NKAIN2: variants seen among roughly 807,000 people sequenced by gnomAD.
NKAIN2 encodes the protein sodium/potassium transporting ATPase interacting 2, also known as sodium/potassium-transporting ATPase subunit beta-1-interacting protein 2.
A neutral mutation model predicts 32.6 loss-of-function variants in NKAIN2; 14 were observed. The ratio of observed to expected loss-of-function variants is 0.43; its 90% CI spans 0.28 to 0.67. The LOEUF is 0.67. NKAIN2 is among the 30% of genes least tolerant of loss of function. NKAIN2 has a pLI of 0.17. For synonymous variants in NKAIN2, 80 were observed against 87.2 expected, an observed-to-expected ratio of 0.92 and a Z score of 0.46; for missense variants, 198 against 258.3, an observed-to-expected ratio of 0.77 and a Z score of 1.60.
intron 3 of NKAIN2, among the ~76,000 whole-genome samples, chr6:124,540,822 G>C (rs933322347): frequency 6.6e-6 from 1 of 152,034 alleles, no homozygotes; most frequent in Non-Finnish European, 1.5e-5. Context: ...TATAAAATAG[G>C]CTTTGTGTTA....
intron 2 of NKAIN2, among the ~76,000 whole-genome samples, chr6:124,343,595 G>T (rs371995293): frequency 2.0e-5 from 3 of 151,938 alleles, no homozygotes; most frequent in East Asian, 1.9e-4. Flanking sequence ...TGATGAGCAT[G>T]TTTTCATGTG....
intron 3 of NKAIN2, among the ~76,000 whole-genome samples, chr6:124,464,428 C>G (rs1562201251): frequency 2.7e-5 from 4 of 146,860 alleles, no homozygotes; most frequent in African/African-American, 1.0e-4. Flanking sequence ...GAATTATAAG[C>G]TTTTTTTTTT....
intron 1 of NKAIN2, among the ~76,000 whole-genome samples, chr6:124,244,532 C>T (rs990748396): frequency 2.0e-5 from 3 of 151,874 alleles, no homozygotes; most frequent in Admixed American, 2.0e-4. Context: ...ACCAATCTAC[C>T]ACTATTGCTG....
rs554146482 is a variant in NKAIN2 at position 124,131,833 on chromosome 6, T to G, written c.55-151172T>G. Among the ~76,000 whole-genome samples the G allele has an allele frequency of 1.1e-3, 168 of 152,138 alleles. 7 individuals carry two copies. In the South Asian group the frequency reaches 0.033, roughly 30 times the overall value. ...GAGGGCTTGCAGGGTAAAAGAAGCT[T>G]CCAGGTGAATTTTATGATCACTTCT... On this transcript the variant is annotated intron_variant, in intron 1 of 6. Transcript: ENST00000368417.
At chr6:124,311,483 A>C (rs1446448408) in intron 2 of NKAIN2, among the ~76,000 whole-genome samples, 1 of 152,128 alleles carries the variant, frequency 6.6e-6, no homozygotes, top group Non-Finnish European at 1.5e-5. Flanking sequence ...TTATATATCC[A>C]CTGCCACCAT....
At chr6:124,004,705 C>T (rs942103345) in intron 1 of NKAIN2, among the ~76,000 whole-genome samples, 18 of 151,484 alleles carry the variant, frequency 1.2e-4, no homozygotes, top group Non-Finnish European at 2.9e-5. Flanking sequence ...ACACCGGGGC[C>T]TGTCAGGTGG....
chr6:124,189,503 A>C (rs1789911384), intron 1 of NKAIN2, among the ~76,000 whole-genome samples: 1 of 152,066 alleles, frequency 6.6e-6, no homozygotes, highest in East Asian at 1.9e-4. Flanking sequence ...GTTCGAGACT[A>C]TCCTGCTAAC....
chr6:124,466,762 AAG>A (rs1491020766), intron 3 of NKAIN2, among the ~76,000 whole-genome samples: 1 of 151,566 alleles, frequency 6.6e-6, no homozygotes, highest in African/African-American at 2.4e-5. Context: ...AAAAAAAAAA[AAG>A]AAATCAGGAA....
chr6:124,698,831 CAGA>C (rs746370586), intron 4 of NKAIN2, among the ~76,000 whole-genome samples: 2 of 152,148 alleles, frequency 1.3e-5, no homozygotes, highest in African/African-American at 2.4e-5. Flanking sequence ...AGAATTTCCA[CAGA>C]AGGTCATCAT....
rs915399716 is a variant in NKAIN2 at position 123,930,632 on chromosome 6, A to G, written c.54+126378A>G. On this transcript the variant is annotated intron_variant, in intron 1 of 6. Coordinates refer to ENST00000368417, the MANE Select transcript of NKAIN2 (RefSeq NM_001040214.3). Reference sequence around the variant, plus strand: ...AAGTTATATATTAGATACACAATTTAATAGTATAACAAATCCCCTAGAATA... The same window carrying G: ...AAGTTATATATTAGATACACAATTTGATAGTATAACAAATCCCCTAGAATA... 1.2e-4 allele frequency among the ~76,000 whole-genome samples: 18 copies of G among 152,174 alleles called. 1 individual carries two copies. The highest frequency in any genetic ancestry group is 4.3e-4 in the African/African-American group (18 of 41,448).
chr6:124,051,300 A>G (rs1782388242), intron 1 of NKAIN2, among the ~76,000 whole-genome samples: 1 of 152,064 alleles, frequency 6.6e-6, no homozygotes. Flanking sequence ...CATTGTGTTA[A>G]AATGATTATT....
intron 1 of NKAIN2, among the ~76,000 whole-genome samples, chr6:123,834,425 G>A (rs748004509): frequency 2.0e-5 from 3 of 152,150 alleles, no homozygotes; most frequent in Non-Finnish European, 2.9e-5. Context: ...AACGTGCTGG[G>A]ATTACAGGTA....
At chr6:124,484,132 T>C (rs919675934) in intron 3 of NKAIN2, among the ~76,000 whole-genome samples, 5 of 152,328 alleles carry the variant, frequency 3.3e-5, no homozygotes, top group African/African-American at 1.2e-4. Context: ...ATGCAAGTTT[T>C]TGAAAGCTTT....
rs528777221 is a variant in NKAIN2 at position 124,512,127 on chromosome 6, A to C, written c.274-146059A>C. ...CATTTGGCTAACACAGTTACATAAA[A>C]GCATTTTATAAACACATATTCCTAA... On this transcript the variant is annotated intron_variant, in intron 3 of 6. Transcript: ENST00000368417. Among the ~76,000 whole-genome samples, 38 of 152,332 alleles carry C rather than the reference A, an allele frequency of 2.5e-4. No individual in the cohort carries two copies. In the South Asian group the frequency reaches 7.5e-3, roughly 30 times the overall value.
chr6:124,818,089 C>T (rs753481894), intron 5 of NKAIN2, among the ~76,000 whole-genome samples: 3 of 151,472 alleles, frequency 2.0e-5, no homozygotes, highest in Non-Finnish European at 2.9e-5. Flanking sequence ...TAGATGAATT[C>T]TATTACTCCA....
chr6:124,814,999 C>G (rs1473445046), intron 5 of NKAIN2, among the ~76,000 whole-genome samples: 1 of 151,774 alleles, frequency 6.6e-6, no homozygotes, highest in Non-Finnish European at 1.5e-5. Flanking sequence ...GGAGACCTTA[C>G]TGTTTTTGTC....
chr6:124,706,402 TTATTA>T (rs1562334843), intron 4 of NKAIN2, among the ~76,000 whole-genome samples: 1 of 152,154 alleles, frequency 6.6e-6, no homozygotes, highest in Non-Finnish European at 1.5e-5. Flanking sequence ...TTCATTGCTG[TTATTA>T]TATATTGAAT....
chr6:124,534,829 AT>A (rs1174245981), intron 3 of NKAIN2, among the ~76,000 whole-genome samples: 5 of 151,606 alleles, frequency 3.3e-5, no homozygotes, highest in Admixed American at 2.6e-4. Flanking sequence ...CTGTTTTTAA[AT>A]TTTTTTTTCT....
At chr6:123,954,720 T>C (rs1777485948) in intron 1 of NKAIN2, among the ~76,000 whole-genome samples, 1 of 152,202 alleles carries the variant, frequency 6.6e-6, no homozygotes, top group African/African-American at 2.4e-5. Context: ...CCTCAGAACC[T>C]TGAGATGCTG....
Sources: allele counts gnomAD v4.1 joint callset (sites outside exome capture counted in the v4.1 genomes callset), GRCh38; gene constraint gnomAD v4.1.1; transcripts MANE v1.5; gene names NCBI Gene and HGNC (gene_info 2026-07-23, HGNC 2026-07-21).